PRR14L: variants seen among roughly 807,000 people sequenced by gnomAD.
PRR14L encodes proline rich 14 like, also known as protein PRR14L.
A neutral mutation model predicts 155.0 loss-of-function variants in PRR14L; 80 were observed. The ratio of observed to expected loss-of-function variants is 0.52; its 90% CI spans 0.43 to 0.62. The LOEUF (loss-of-function observed/expected upper bound fraction) is 0.62. PRR14L is among the 20% of genes least tolerant of loss of function. The pLI is 0.00. For synonymous variants in PRR14L, 883 were observed against 916.0 expected (o/e 0.96, Z 0.65); for missense variants, 2,469 against 2,548.0 (o/e 0.97, Z 0.67).
intron 2 of PRR14L, among the ~76,000 whole-genome samples, chr22:31,731,825 G>C (rs1164293658): frequency 6.6e-6 from 1 of 152,086 alleles, no homozygotes; most frequent in Admixed American, 6.5e-5. Flanking sequence ...TTCTTTAAGA[G>C]GATATAGTCG....
rs766505915 is a variant in PRR14L at position 31,715,728 on chromosome 22, A to T, written c.2111T>A (p.Ile704Lys). 1.3e-5 allele frequency: 20 copies of T among 1,552,134 alleles called. No individual in the cohort carries two copies. The highest frequency in any genetic ancestry group is 1.7e-5 in the Non-Finnish European group (20 of 1,147,094). Residue 704 changes from isoleucine (I) to lysine (K), a missense_variant, in exon 4 of 9, where the codon ATA becomes AAA. This residue lies in a region of PRR14L where 2,363 missense variants were observed against 2,371.6 expected (regional missense o/e 1.00). Transcript: ENST00000327423. ...LEGRADVIAD[I>K]QTIPIQTKIK... Reference sequence around the variant, plus strand: ...TTTTGTCTGAATGGGAATGGTTTGTATATCAGCAATGACATCTGCTCTACC... The same window carrying T: ...TTTTGTCTGAATGGGAATGGTTTGTTTATCAGCAATGACATCTGCTCTACC...
chr22:31,713,686 G>A lies in PRR14L; in HGVS notation c.4153C>T (p.His1385Tyr), dbSNP rs560126282. The change falls in exon 4 of 9, where the codon CAT becomes TAT. Residue 1385 changes from histidine to tyrosine, a missense_variant. His to Tyr is a moderately conservative substitution (Grantham distance 83). Around this residue, in one of 2 missense-constraint regions of PRR14L, gnomAD observed 2,363 missense variants for 2,371.6 expected, o/e 1.00. Transcript: ENST00000327423. ...THFKCRGILN[H>Y]AEKQQSPEVL... ...TCAGGGCTCTGCTGTTTTTCAGCAT[G>A]ATTAAGTATCCCCCGGCATTTAAAA... The A allele has an allele frequency of 1.3e-6, 2 of 1,552,052 alleles. No individual in the cohort carries two copies. The highest frequency in any genetic ancestry group is 1.7e-6 in the Non-Finnish European group (2 of 1,147,100).
intron 7 of PRR14L, among the ~76,000 whole-genome samples, chr22:31,697,589 G>A (rs990019278): frequency 2.0e-5 from 3 of 152,050 alleles, no homozygotes; most frequent in Non-Finnish European, 4.4e-5. Flanking sequence ...ACATGGGATC[G>A]GCACGATGGC....
chr22:31,739,812 C>T (rs2147876761), intron 1 of PRR14L, among the ~76,000 whole-genome samples: 1 of 152,310 alleles, frequency 6.6e-6, no homozygotes, highest in South Asian at 2.1e-4. Context: ...TATATCTATG[C>T]AGTTTGTAAT....
intron 1 of PRR14L, among the ~76,000 whole-genome samples, chr22:31,739,898 G>A (rs1314198544): frequency 6.6e-6 from 1 of 152,094 alleles, no homozygotes; most frequent in Non-Finnish European, 1.5e-5. Context: ...TCCCAGTTTA[G>A]TGTACCAAAC....
intron 7 of PRR14L, among the ~76,000 whole-genome samples, chr22:31,696,817 G>C (rs1051012413): frequency 2.6e-5 from 4 of 152,096 alleles, no homozygotes; most frequent in Non-Finnish European, 5.9e-5. Context: ...AGTGCCTTTA[G>C]AGATTGGGTA....
intron 4 of PRR14L, among the ~76,000 whole-genome samples, chr22:31,706,847 T>G (rs1250228375): frequency 1.3e-5 from 2 of 151,676 alleles, no homozygotes; most frequent in East Asian, 3.9e-4. Flanking sequence ...GTCAAGAGTT[T>G]GAGACCAGCC....
chr22:31,746,778 A>G (rs187720475), intron 1 of PRR14L, among the ~76,000 whole-genome samples: 74 of 151,180 alleles, frequency 4.9e-4, no homozygotes, highest in East Asian at 1.4e-3. Context: ...AAACGCACAA[A>G]TACTTCTCCC....
At chr22:31,698,412 C>T (rs1300154760) in intron 7 of PRR14L, among the ~76,000 whole-genome samples, 1 of 151,880 alleles carries the variant, frequency 6.6e-6, no homozygotes, top group Non-Finnish European at 1.5e-5. Context: ...ATACTTTTCT[C>T]TTATATTAAA....
intron 1 of PRR14L, among the ~76,000 whole-genome samples, chr22:31,745,685 A>G (rs1259507977): frequency 1.3e-5 from 2 of 151,398 alleles, no homozygotes; most frequent in African/African-American, 4.9e-5. Flanking sequence ...ATCTCTACTA[A>G]AAAATGCAAA....
At chr22:31,694,822 C>G (rs951779225) in intron 7 of PRR14L, among the ~76,000 whole-genome samples, 5 of 150,972 alleles carry the variant, frequency 3.3e-5, no homozygotes, top group Non-Finnish European at 7.4e-5. Context: ...TGCGGTGGCT[C>G]ACGCCTATAA....
At position 31,682,604 on chromosome 22, in the gene PRR14L, AAAAAC is replaced by A. The variant is rs1191762443; in HGVS notation, c.*2918_*2922del. 1 of 152,200 alleles carries A rather than the reference AAAAAC, an allele frequency of 6.6e-6. No individual in the cohort carries two copies. Among genetic ancestry groups the A allele is most frequent in the Non-Finnish European group, 1.5e-5 (1 of 68,046 alleles). The allele number at this position is 152,200 out of a possible 1,614,324, so 9.4% of individuals were successfully genotyped here. A position where few individuals can be genotyped will look rare whatever the true frequency, so the allele number is the denominator to read the frequency against. On this transcript the variant is annotated 3_prime_UTR_variant, in exon 9 of 9. Coordinates refer to ENST00000327423, the MANE Select transcript of PRR14L (RefSeq NM_173566.3). ...AAACTGAAAGATGGAAAAAAAAACA[AAAAAC>A]AAAACACAGTTGAAAGTTTCAGTGA...
chr22:31,701,886 C>T, intron 6 of PRR14L, 124 bp from the exon 7 acceptor site: 1 of 671,518 alleles, frequency 1.5e-6, no homozygotes. Flanking sequence ...TAGCTCACTG[C>T]AGCCTTGAAT....
chr22:31,737,352 G>A (rs1017710483), intron 2 of PRR14L, among the ~76,000 whole-genome samples: 1 of 151,930 alleles, frequency 6.6e-6, no homozygotes, highest in Non-Finnish European at 1.5e-5. Context: ...GTAATGGTAG[G>A]TGCCTATAAT....
At chr22:31,723,414 C>A (rs187485157) in intron 3 of PRR14L, among the ~76,000 whole-genome samples, 1 of 152,230 alleles carries the variant, frequency 6.6e-6, no homozygotes, top group African/African-American at 2.4e-5. Flanking sequence ...CAGAAAATAA[C>A]CCTGGTTCTC....
At position 31,712,532 on chromosome 22, in the gene PRR14L, G is replaced by A. The variant is rs1427722150; in HGVS notation, c.5307C>T (p.Ser1769=). 1.3e-6 allele frequency: 2 copies of A among 1,551,634 alleles called. No individual in the cohort carries two copies. Among genetic ancestry groups the A allele is most frequent in the African/African-American group, 2.7e-5 (2 of 73,040 alleles). The change falls in exon 4 of 9, where the codon TCC becomes TCT. Residue 1769 remains serine (S), a synonymous_variant. Coordinates refer to ENST00000327423, the MANE Select transcript of PRR14L (RefSeq NM_173566.3). ...PPKWTFSFFL[S]HGCPGMATFR... is the part of the protein sequence containing the mutation. ...ATGTTGCCATCCCAGGGCAACCGTGGGACAAGAAGAAAGAAAAGGTCCACT... is the reference window on the plus strand; with the variant it reads ...ATGTTGCCATCCCAGGGCAACCGTGAGACAAGAAGAAAGAAAAGGTCCACT...
chr22:31,708,411 C>T (rs771129726), intron 4 of PRR14L, among the ~76,000 whole-genome samples: 2 of 151,882 alleles, frequency 1.3e-5, no homozygotes, highest in Non-Finnish European at 2.9e-5. Context: ...ACCCTAACCT[C>T]TGCCTCCTGG....
chr22:31,693,814 G>A lies in PRR14L; in HGVS notation c.6108-5587C>T, dbSNP rs563358290. On this transcript the variant is annotated intron_variant, in intron 7 of 8. Transcript: ENST00000327423. ...TGCTCCTGTTCATTAACACTATTTCGCTCTATTTAACCTGCTGTTAACCCA... is the reference window on the plus strand; with the variant it reads ...TGCTCCTGTTCATTAACACTATTTCACTCTATTTAACCTGCTGTTAACCCA... Among the ~76,000 whole-genome samples, 67 of 152,040 alleles carry A rather than the reference G, an allele frequency of 4.4e-4. 1 individual carries two copies. In the South Asian group the frequency reaches 0.012, roughly 27 times the overall value.
At position 31,713,288 on chromosome 22, in the gene PRR14L, G is replaced by A; in HGVS notation, c.4551C>T (p.Pro1517=). Residue 1517 remains proline (P), a synonymous_variant, in exon 4 of 9, where the codon CCC becomes CCT. Transcript: ENST00000327423. ...AAGTTCGATGGGGCTGCTTCTTTAA[G>A]GGAAGAACTCCTTTCTTCGCAAAGG... ...HGAFAKKGVL[P]LKKQPHRTCK... is the part of the protein sequence containing the mutation. The A allele has an allele frequency of 1.9e-6, 3 of 1,552,178 alleles. No homozygotes were observed. The highest frequency in any genetic ancestry group is 2.6e-6 in the Non-Finnish European group (3 of 1,147,108).
Sources: gnomAD v4.1 joint callset for allele counts (sites outside exome capture counted in the v4.1 genomes callset) on GRCh38, gnomAD v4.1.1 for gene constraint, gnomAD v4.1.1 regional missense constraint, MANE v1.5 for transcripts, NCBI Gene and HGNC (gene_info 2026-07-23, HGNC 2026-07-21) for gene names.